Variants in SYNE1 observed in about 807,000 individuals in gnomAD.
The protein encoded by SYNE1 is nesprin-1.
SYNE1 carries 616 observed loss-of-function variants against 1,111.0 expected under a neutral mutation model. That is an observed-to-expected ratio of 0.55 (90% CI 0.52 to 0.59). The LOEUF is 0.59. Ranked by LOEUF, SYNE1 falls within the 20% of genes least tolerant of loss-of-function variation. The probability of loss-of-function intolerance (pLI) is 0.00; values close to 1 mark genes in which losing one functional copy is unlikely to be tolerated. For synonymous variants in SYNE1, 3,855 were observed against 3,825.8 expected (o/e 1.01, Z -0.28); for missense variants, 10,006 against 10,417.0 (o/e 0.96, Z 1.72).
intron 3 of SYNE1, among the ~76,000 whole-genome samples, chr6:152,571,588 A>G (rs896673823): frequency 9.9e-5 from 15 of 152,160 alleles, no homozygotes; most frequent in Non-Finnish European, 5.9e-5. Flanking sequence ...AGGAAGGAAG[A>G]AAGCATGCAA....
intron 120 of SYNE1, 34 bp from the exon 121 acceptor site, chr6:152,218,437 T>TAAAAA: frequency 6.9e-7 from 1 of 1,452,456 alleles, no homozygotes. Flanking sequence ...GTATTTCAGT[T>TAAAAA]AAAAAAAAAA....
rs1472057044 is a variant in SYNE1 at position 152,211,372 on chromosome 6, AG to A, written c.22589+121del. On this transcript the variant is annotated intron_variant, in intron 124 of 145. Transcript: ENST00000367255. ...AGACAAGTTTCTCCTCCAATTACTG[AG>A]GCCCCACTACAGTTCAATTGCCTCA... The A allele has an allele frequency of 1.1e-5, 8 of 761,078 alleles. No homozygotes were observed. The East Asian group carries it at 2.1e-4, about 20-fold the overall frequency. 47.1% of individuals were successfully genotyped at this position (761,078 alleles called of 1,614,324 possible).
chr6:152,632,679 T>C (rs1480542631), intron 2 of SYNE1, among the ~76,000 whole-genome samples: 2 of 152,190 alleles, frequency 1.3e-5, no homozygotes, highest in African/African-American at 4.8e-5. Flanking sequence ...TATCTCTTAC[T>C]GTGCACGCAG....
intron 145 of SYNE1, chr6:152,125,153 C>A: frequency 1.6e-6 from 2 of 1,266,566 alleles, no homozygotes; most frequent in Non-Finnish European, 1.1e-6. Context: ...AGAGGCCTAG[C>A]AGGGACTCAG....
rs776942105 is a variant in SYNE1, at chr6:152,255,575, G to C, written c.19260+16C>G. ...TGTAATGTTATACACACACAGGCAG[G>C]AACTACTAAACCTACCTCTTGGTTG... is the stretch of plus-strand genomic sequence containing the variant. On this transcript the variant is annotated intron_variant, in intron 103 of 145. Transcript: ENST00000367255. 7 of 1,613,882 alleles carry C rather than the reference G, an allele frequency of 4.3e-6. No individual in the cohort carries two copies. Among genetic ancestry groups the C allele is most frequent in the Non-Finnish European group, 5.9e-6 (7 of 1,179,924 alleles).
In SYNE1 at chr6:152,453,362, C is replaced by T. The variant is rs73784903; in HGVS notation, c.3027+224G>A. 12,688 of 657,188 alleles carry T rather than the reference C, an allele frequency of 0.019. 1,239 individuals carry two copies. The African/African-American group carries it at 0.21, about 11-fold the overall frequency. 40.7% of individuals were successfully genotyped at this position (657,188 alleles called of 1,614,324 possible). A position where few individuals can be genotyped will look rare whatever the true frequency, so the allele number is the denominator to read the frequency against. ...AAATCAGGAAACCAAAAAGAATGCTCGAGTAATAGGATAAAATTGATGCTG... is the reference window on the plus strand; with the variant it reads ...AAATCAGGAAACCAAAAAGAATGCTTGAGTAATAGGATAAAATTGATGCTG... On this transcript the variant is annotated intron_variant, in intron 25 of 145. Transcript: ENST00000367255.
chr6:152,458,687 C>T (rs979833436), intron 22 of SYNE1, 70 bp downstream of exon 22: 1 of 1,534,880 alleles, frequency 6.5e-7, no homozygotes, highest in Middle Eastern at 1.7e-4. Flanking sequence ...ATTTCTATTC[C>T]TGTAAGCAAC....
chr6:152,338,631 AAC>A (rs2096460829), intron 75 of SYNE1, among the ~76,000 whole-genome samples: 1 of 152,170 alleles, frequency 6.6e-6, no homozygotes. Context: ...GAAACAAACA[AAC>A]AAACAAACGA....
chr6:152,235,983 T>TA, intron 110 of SYNE1, 124 bp downstream of exon 110: 1 of 1,041,902 alleles, frequency 9.6e-7, no homozygotes, highest in Non-Finnish European at 1.5e-6. Flanking sequence ...CCTCAAGCAG[T>TA]CCTCCCGTAT....
At chr6:152,426,027 G>A (rs1487914351) in intron 38 of SYNE1, among the ~76,000 whole-genome samples, 1 of 152,132 alleles carries the variant, frequency 6.6e-6, no homozygotes, top group Non-Finnish European at 1.5e-5. Flanking sequence ...GTCTAGATTA[G>A]GCCAAACTGG....
intron 127 of SYNE1, among the ~76,000 whole-genome samples, chr6:152,200,937 C>T (rs1010528381): frequency 4.6e-5 from 7 of 152,170 alleles, no homozygotes; most frequent in Admixed American, 2.0e-4. Context: ...TTCTAGACCT[C>T]TTTAACAATT....
chr6:152,145,237 G>T, intron 137 of SYNE1: 1 of 530,872 alleles, frequency 1.9e-6, no homozygotes, highest in Non-Finnish European at 3.4e-6. Context: ...ATGGACATGA[G>T]AGGTCTATAC....
intron 87 of SYNE1, among the ~76,000 whole-genome samples, chr6:152,314,836 A>G (rs1320760656): frequency 4.7e-5 from 7 of 149,866 alleles, no homozygotes; most frequent in African/African-American, 1.5e-4. Flanking sequence ...CTGTAGTTCC[A>G]GCTATTCAGG....
chr6:152,404,049 A>G (rs1161129510), intron 46 of SYNE1, among the ~76,000 whole-genome samples, 164 bp downstream of exon 46: 1 of 151,136 alleles, frequency 6.6e-6, no homozygotes, highest in African/African-American at 2.4e-5. Flanking sequence ...ACATATATAG[A>G]TGTATATGAG....
At chr6:152,522,370 G>A (rs1564621246) in intron 5 of SYNE1, among the ~76,000 whole-genome samples, 1 of 152,056 alleles carries the variant, frequency 6.6e-6, no homozygotes, top group Non-Finnish European at 1.5e-5. Context: ...CATCCAAATT[G>A]CTGCAAAAGA....
intron 143 of SYNE1, 109 bp from the exon 144 acceptor site, chr6:152,132,323 C>T (rs985242172): frequency 3.0e-5 from 28 of 946,166 alleles, no homozygotes; most frequent in African/African-American, 6.4e-5. Context: ...CATGTCTCCA[C>T]CATAAAAATC....
At chr6:152,185,970 C>T (rs2813515) in intron 128 of SYNE1, among the ~76,000 whole-genome samples, 9,547 of 152,104 alleles carry the variant, frequency 0.063, 469 homozygotes, top group African/African-American at 0.14. Flanking sequence ...CTAAGAGAAA[C>T]GTAAGTATGA....
Position 152,340,482 on chromosome 6 carries a change from G to A in SYNE1, c.12226-1116C>T, listed in dbSNP as rs573859162. Among the ~76,000 whole-genome samples, 8 of 152,266 alleles carry A rather than the reference G, an allele frequency of 5.3e-5. No individual in the cohort carries two copies. In the South Asian group the frequency reaches 8.3e-4, roughly 16 times the overall value. On this transcript the variant is annotated intron_variant, in intron 74 of 145. Coordinates refer to ENST00000367255, the MANE Select transcript of SYNE1 (RefSeq NM_182961.4). ...CTAGAACGTCAGCAGCATCCTTCGCGTCTACCCACTTAATGCCAGCAGTGT... is the reference window on the plus strand; with the variant it reads ...CTAGAACGTCAGCAGCATCCTTCGCATCTACCCACTTAATGCCAGCAGTGT...
At chr6:152,436,602 AC>A (rs2098476515) in intron 32 of SYNE1, among the ~76,000 whole-genome samples, 3 of 152,148 alleles carry the variant, frequency 2.0e-5, no homozygotes, top group Non-Finnish European at 4.4e-5. Context: ...TGCCTGGCTA[AC>A]TTTTTAATTT....
Sources: gnomAD v4.1 joint callset for allele counts (sites outside exome capture counted in the v4.1 genomes callset) on GRCh38, gnomAD v4.1.1 for gene constraint, MANE v1.5 for transcripts, NCBI Gene and HGNC (gene_info 2026-07-23, HGNC 2026-07-21) for gene names.